The following PCSK2 variants were observed in gnomAD, a reference collection of about 807,000 sequenced individuals.
PCSK2 encodes the protein proprotein convertase subtilisin/kexin type 2.
A neutral mutation model predicts 69.7 loss-of-function variants in PCSK2; 14 were observed. The observed-to-expected ratio is 0.20, with a 90% CI of 0.13 to 0.31. The LOEUF (loss-of-function observed/expected upper bound fraction) is 0.31, where lower values mean the gene tolerates loss of function less well. PCSK2 is among the 10% of genes least tolerant of loss of function. PCSK2 has a pLI of 1.00. For synonymous variants in PCSK2, 307 were observed against 320.7 expected (o/e 0.96, Z 0.46); for missense variants, 544 against 842.5 (o/e 0.65, Z 4.39).
chr20:17,328,945 G>A (rs1025397299), intron 2 of PCSK2, among the ~76,000 whole-genome samples: 1 of 152,156 alleles, frequency 6.6e-6, no homozygotes, highest in Non-Finnish European at 1.5e-5. Context: ...CATCCTGTGG[G>A]TGATCTTCCC....
intron 5 of PCSK2, among the ~76,000 whole-genome samples, chr20:17,388,008 TGAG>T (rs1391023575): frequency 1.3e-5 from 2 of 152,022 alleles, no homozygotes; most frequent in African/African-American, 4.8e-5. Flanking sequence ...ACCTTAAGAA[TGAG>T]GAGGAGTTAG....
chr20:17,246,860 A>G (rs1470573645), intron 1 of PCSK2, among the ~76,000 whole-genome samples: 1 of 151,824 alleles, frequency 6.6e-6, no homozygotes, highest in South Asian at 2.1e-4. Flanking sequence ...TGTGTTTTAG[A>G]TTAGACATAG....
chr20:17,243,024 CTTTATAGCTT>C (rs1483576553), intron 1 of PCSK2, among the ~76,000 whole-genome samples: 1 of 152,100 alleles, frequency 6.6e-6, no homozygotes, highest in Non-Finnish European at 1.5e-5. Flanking sequence ...TATTATAGCC[CTTTATAGCTT>C]ATGAGTCATT....
chr20:17,363,943 G>A (rs1189814844), intron 4 of PCSK2, among the ~76,000 whole-genome samples: 1 of 152,094 alleles, frequency 6.6e-6, no homozygotes, highest in South Asian at 2.1e-4. Context: ...ACCATTCTTG[G>A]TACTTGAAAC....
intron 8 of PCSK2, among the ~76,000 whole-genome samples, chr20:17,452,857 G>A (rs1033440172): frequency 3.9e-5 from 6 of 152,224 alleles, no homozygotes; most frequent in Non-Finnish European, 7.3e-5. Context: ...ACAAGGAAAA[G>A]GATTTTTAAG....
intron 6 of PCSK2, among the ~76,000 whole-genome samples, chr20:17,411,595 C>A (rs1420972829): frequency 6.6e-6 from 1 of 152,204 alleles, no homozygotes; most frequent in East Asian, 1.9e-4. Flanking sequence ...CAGGGCATAG[C>A]TGGAAAAAAG....
intron 2 of PCSK2, among the ~76,000 whole-genome samples, chr20:17,323,431 A>T (rs766440563): frequency 1.3e-5 from 2 of 152,158 alleles, no homozygotes; most frequent in East Asian, 1.9e-4. Flanking sequence ...AATTTCTGTT[A>T]TTTATAGCCA....
chr20:17,250,434 C>G (rs1986930978), intron 1 of PCSK2, among the ~76,000 whole-genome samples: 1 of 152,140 alleles, frequency 6.6e-6, no homozygotes, highest in Non-Finnish European at 1.5e-5. Context: ...CATAGCATGA[C>G]TCATCACTGG....
chr20:17,367,476 G>A (rs1490801487), intron 4 of PCSK2, among the ~76,000 whole-genome samples: 2 of 152,220 alleles, frequency 1.3e-5, no homozygotes, highest in African/African-American at 4.8e-5. Flanking sequence ...CCACACAAGT[G>A]TTAGTGTCTG....
intron 1 of PCSK2, among the ~76,000 whole-genome samples, chr20:17,237,271 G>A (rs1278412796): frequency 1.3e-5 from 2 of 152,140 alleles, no homozygotes; most frequent in Non-Finnish European, 2.9e-5. Flanking sequence ...TCATGGAAGT[G>A]AATTATCAAA....
chr20:17,268,455 ATATAGACC>A (rs1237764864), intron 2 of PCSK2, among the ~76,000 whole-genome samples: 1 of 152,132 alleles, frequency 6.6e-6, no homozygotes, highest in Non-Finnish European at 1.5e-5. Context: ...TGGCATTTAA[ATATAGACC>A]TGAAGGAGAT....
chr20:17,338,629 A>T (rs190270904), intron 2 of PCSK2, among the ~76,000 whole-genome samples: 295 of 152,254 alleles, frequency 1.9e-3, no homozygotes, highest in African/African-American at 6.5e-3. Flanking sequence ...ACTTATTTTT[A>T]AAAAATTAAA....
chr20:17,333,069 CCAA>C (rs1339304767), intron 2 of PCSK2, among the ~76,000 whole-genome samples: 47 of 152,090 alleles, frequency 3.1e-4, no homozygotes, highest in African/African-American at 1.1e-3. Flanking sequence ...TGTTAATTTC[CCAA>C]TGTTCACAAC....
intron 2 of PCSK2, among the ~76,000 whole-genome samples, chr20:17,287,421 A>T (rs1988550445): frequency 8.4e-6 from 1 of 119,534 alleles, no homozygotes; most frequent in East Asian, 4.2e-4. Context: ...TTGCACCAGC[A>T]TGTGCGTGTC....
At chr20:17,477,510 GGCACAAAAGCCAGCA>G (rs1208971661) in intron 11 of PCSK2, among the ~76,000 whole-genome samples, 2 of 151,918 alleles carry the variant, frequency 1.3e-5, no homozygotes, top group African/African-American at 4.8e-5. Context: ...AATCTTCAAG[GGCACAAAAGCCAGCA>G]GCATAAAGAA....
Position 17,482,125 on chromosome 20 carries a change from C to T in PCSK2, c.*55C>T, listed in dbSNP as rs1201883246. ...CCCTCCCCAGCTCCGCCTCTGTCCT[C>T]GCTCCACGTTTCAGGCAGGCACCTA... is the stretch of plus-strand genomic sequence containing the variant. On this transcript the variant is annotated 3_prime_UTR_variant, in exon 12 of 12. Coordinates refer to ENST00000262545, the MANE Select transcript of PCSK2 (RefSeq NM_002594.5). 2.0e-6 allele frequency: 3 copies of T among 1,494,254 alleles called. No homozygotes were observed. The highest frequency in any genetic ancestry group is 4.5e-5 in the Admixed American group (2 of 44,874). 92.6% of individuals were successfully genotyped at this position (1,494,254 alleles called of 1,614,324 possible). A position where few individuals can be genotyped will look rare whatever the true frequency, so the allele number is the denominator to read the frequency against.
intron 2 of PCSK2, among the ~76,000 whole-genome samples, chr20:17,307,464 G>A (rs2143242): frequency 0.13 from 19,588 of 152,228 alleles, 1,927 homozygotes; most frequent in East Asian, 0.53. Context: ...CCAAAGGGTG[G>A]TGGTGGCAGT....
chr20:17,334,382 C>T (rs1990289899), intron 2 of PCSK2, among the ~76,000 whole-genome samples: 1 of 152,106 alleles, frequency 6.6e-6, no homozygotes, highest in South Asian at 2.1e-4. Context: ...CAATGAGAAT[C>T]AGAAAACAGT....
At chr20:17,398,429 T>C (rs1223600097) in intron 5 of PCSK2, among the ~76,000 whole-genome samples, 1 of 141,240 alleles carries the variant, frequency 7.1e-6, no homozygotes, top group Non-Finnish European at 1.5e-5. Context: ...GAGACTGAGG[T>C]GGGAAGATCA....
Sources: allele counts gnomAD v4.1 joint callset (sites outside exome capture counted in the v4.1 genomes callset), GRCh38; gene constraint gnomAD v4.1.1; transcripts MANE v1.5; gene names NCBI Gene and HGNC (gene_info 2026-07-23, HGNC 2026-07-21).